The following CRHR1 variants were observed in gnomAD, a reference collection of about 807,000 sequenced individuals.
CRHR1 encodes corticotropin releasing hormone receptor 1.
In CRHR1, 28 loss-of-function variants were observed where a neutral mutation model predicts 56.0. The ratio of observed to expected loss-of-function variants is 0.50; its 90% CI spans 0.37 to 0.69. The LOEUF (loss-of-function observed/expected upper bound fraction) is 0.69, where lower values mean the gene tolerates loss of function less well. Ranked by LOEUF, CRHR1 falls within the 30% of genes least tolerant of loss-of-function variation. The pLI is 0.00. For missense variants in CRHR1, 376 were observed against 548.0 expected (o/e 0.69, Z 3.13); for synonymous variants, 195 against 216.5 (o/e 0.90, Z 0.87).
At chr17:45,786,666 G>T (rs757386274) in intron 1 of CRHR1, among the ~76,000 whole-genome samples, 2 of 147,184 alleles carry the variant, frequency 1.4e-5, no homozygotes, top group Non-Finnish European at 3.0e-5. Context: ...TCAAGACAGG[G>T]TCCCACTCTG....
intron 1 of CRHR1, among the ~76,000 whole-genome samples, chr17:45,806,552 G>A (rs1020874885): frequency 6.6e-6 from 1 of 152,242 alleles, no homozygotes; most frequent in Non-Finnish European, 1.5e-5. Flanking sequence ...GAGGAAGGGA[G>A]GGAAGTGGGT....
At chr17:45,797,290 T>TC (rs2061537254) in intron 1 of CRHR1, among the ~76,000 whole-genome samples, 1 of 138,116 alleles carries the variant, frequency 7.2e-6, no homozygotes, top group Non-Finnish European at 1.6e-5. Context: ...TTTCTTTTTT[T>TC]TTTTTTTTTT....
At chr17:45,815,020 G>A (rs192718015) in intron 2 of CRHR1, among the ~76,000 whole-genome samples, 1 of 152,374 alleles carries the variant, frequency 6.6e-6, no homozygotes, top group East Asian at 1.9e-4. Flanking sequence ...GCAGAGAAAG[G>A]GAGCCAATTT....
At position 45,784,860 on chromosome 17, in the gene CRHR1, C is replaced by A. The variant is rs2061303457; in HGVS notation, c.33+283C>A. Among the ~76,000 whole-genome samples the A allele has an allele frequency of 6.6e-6, 1 of 152,170 alleles. No individual in the cohort carries two copies. The highest frequency in any genetic ancestry group is 2.4e-5 in the African/African-American group (1 of 41,456). On this transcript the variant is annotated intron_variant, in intron 1 of 12. Coordinates refer to ENST00000314537, the MANE Select transcript of CRHR1 (RefSeq NM_004382.5). The surrounding 1 kb of genome is among the most constrained non-coding windows in gnomAD (Gnocchi z 4.2). ...GGGTAGCCGGCTCCGCGCCAAGAATCGCTCTAGGCTCTCGGGCAGACGCCT... is the reference window on the plus strand; with the variant it reads ...GGGTAGCCGGCTCCGCGCCAAGAATAGCTCTAGGCTCTCGGGCAGACGCCT...
At chr17:45,785,650 G>A (rs1052515213) in intron 1 of CRHR1, among the ~76,000 whole-genome samples, 11 of 152,204 alleles carry the variant, frequency 7.2e-5, no homozygotes, top group Admixed American at 5.2e-4. Flanking sequence ...ATTTGGGGGA[G>A]GGGTGCGGAT....
intron 5 of CRHR1, among the ~76,000 whole-genome samples, chr17:45,829,849 G>A (rs1201703428): frequency 6.6e-6 from 1 of 151,916 alleles, no homozygotes; most frequent in African/African-American, 2.4e-5. Flanking sequence ...CTGGTCCATG[G>A]AGCACAGGCT....
At chr17:45,804,716 A>G (rs1209700259) in intron 1 of CRHR1, among the ~76,000 whole-genome samples, 4 of 152,210 alleles carry the variant, frequency 2.6e-5, no homozygotes, top group South Asian at 4.1e-4. Context: ...CAGGCAGGGA[A>G]GGAGGGATGG....
chr17:45,800,980 C>T (rs1178374413), intron 1 of CRHR1, among the ~76,000 whole-genome samples: 2 of 152,204 alleles, frequency 1.3e-5, no homozygotes, highest in African/African-American at 4.8e-5. Context: ...CCTTAAAGAC[C>T]AAACTGAGCT....
intron 2 of CRHR1, 78 bp from the exon 3 acceptor site, chr17:45,816,385 A>G (rs8073146): frequency 0.19 from 302,240 of 1,582,464 alleles, 32,457 homozygotes; most frequent in Non-Finnish European, 0.22. Context: ...AGGTGGGCAG[A>G]ACTCTGGAAT....
At chr17:45,811,181 C>G (rs964342244) in intron 2 of CRHR1, among the ~76,000 whole-genome samples, 1 of 152,244 alleles carries the variant, frequency 6.6e-6, no homozygotes, top group Non-Finnish European at 1.5e-5. Context: ...GGACCCTGAG[C>G]CTGATGGGAG....
chr17:45,797,283 C>CTTTTTTTTTTTTTTTTTTTTTTTT (rs899983592), intron 1 of CRHR1, among the ~76,000 whole-genome samples: 6 of 94,930 alleles, frequency 6.3e-5, no homozygotes, highest in African/African-American at 1.4e-4. Flanking sequence ...TTCTTTCTTT[C>CTTTTTTTTTTTTTTTTTTTTTTTT]TTTTTTTTTT....
At chr17:45,810,077 C>T (rs954151666) in intron 2 of CRHR1, among the ~76,000 whole-genome samples, 1 of 151,982 alleles carries the variant, frequency 6.6e-6, no homozygotes, top group Admixed American at 6.6e-5. Context: ...GTCAGGTGTT[C>T]GAGACCAGCC....
chr17:45,827,667 AAAG>A (rs1298225602), intron 4 of CRHR1: 1 of 152,224 alleles, frequency 6.6e-6, no homozygotes. Context: ...CATGTTCCAG[AAAG>A]CCTCTGCCTG....
At chr17:45,816,687 C>T in intron 3 of CRHR1, 105 bp downstream of exon 3, 2 of 1,534,168 alleles carry the variant, frequency 1.3e-6, no homozygotes, top group Non-Finnish European at 1.8e-6. Context: ...ACAGTAATAC[C>T]TCTTGTGGGG....
At chr17:45,830,606 G>C (rs1438156532) in intron 7 of CRHR1, 36 bp downstream of exon 7, 3 of 1,570,302 alleles carry the variant, frequency 1.9e-6, no homozygotes, top group African/African-American at 1.3e-5. Context: ...CCTGGGCAGT[G>C]GCGGCCGCCG....
intron 5 of CRHR1, 194 bp downstream of exon 5, chr17:45,829,515 G>A: frequency 6.6e-7 from 1 of 1,515,072 alleles, no homozygotes; most frequent in Non-Finnish European, 8.9e-7. Context: ...GTAGCTGCTG[G>A]AATGGTGGGG....
chr17:45,809,632 T>C (rs1419130868), intron 2 of CRHR1, among the ~76,000 whole-genome samples: 1 of 152,238 alleles, frequency 6.6e-6, no homozygotes, highest in African/African-American at 2.4e-5. Context: ...GTCTTCTGAC[T>C]CGTAGACCTA....
intron 3 of CRHR1, among the ~76,000 whole-genome samples, chr17:45,820,431 CG>C (rs1385866860): frequency 6.6e-6 from 1 of 152,090 alleles, no homozygotes; most frequent in East Asian, 1.9e-4. Context: ...AAGGGGAACA[CG>C]TTGGGCAGCT....
At chr17:45,834,076 G>A in intron 12 of CRHR1, 28 bp downstream of exon 12, 1 of 1,611,616 alleles carries the variant, frequency 6.2e-7, no homozygotes, top group Non-Finnish European at 8.5e-7. Context: ...CTGCAGCGGG[G>A]TTCAGGGCTG....
Sources: allele counts gnomAD v4.1 joint callset (sites outside exome capture counted in the v4.1 genomes callset), GRCh38; gene constraint gnomAD v4.1.1; non-coding constraint Gnocchi (gnomAD v3.1); transcripts MANE v1.5; gene names NCBI Gene and HGNC (gene_info 2026-07-23, HGNC 2026-07-21).